Variants in FILIP1 observed in about 807,000 individuals in gnomAD.
The protein encoded by FILIP1 is filamin-A-interacting protein 1.
Under a neutral mutation model 102.1 loss-of-function variants are expected in FILIP1, and 61 were observed. The ratio of observed to expected loss-of-function variants is 0.60; its 90% CI spans 0.49 to 0.74. FILIP1 has a LOEUF of 0.74. Ranked by LOEUF, FILIP1 falls within the 30% of genes least tolerant of loss-of-function variation. The pLI is 0.00. For missense variants in FILIP1, 1,314 were observed against 1,441.2 expected, an observed-to-expected ratio of 0.91 and a Z score of 1.43; for synonymous variants, 491 against 526.9, an observed-to-expected ratio of 0.93 and a Z score of 0.93.
intron 1 of FILIP1, among the ~76,000 whole-genome samples, chr6:75,421,017 C>T (rs1414909809): frequency 2.6e-5 from 4 of 152,086 alleles, no homozygotes; most frequent in South Asian, 2.1e-4. Flanking sequence ...TATTTAGATA[C>T]ACTTGTTGTT....
chr6:75,492,544 T>G (rs1309827157), intron 1 of FILIP1, among the ~76,000 whole-genome samples: 1 of 152,158 alleles, frequency 6.6e-6, no homozygotes, highest in Non-Finnish European at 1.5e-5. Context: ...AGTTGTCATA[T>G]TCAACATGAA....
intron 3 of FILIP1, among the ~76,000 whole-genome samples, chr6:75,357,051 C>A (rs995921967): frequency 6.6e-6 from 1 of 152,152 alleles, no homozygotes; most frequent in Non-Finnish European, 1.5e-5. Context: ...CCTGTTTCTT[C>A]AGGCCCTACC....
At chr6:75,401,352 G>T (rs1776650777) in intron 2 of FILIP1, among the ~76,000 whole-genome samples, 1 of 151,842 alleles carries the variant, frequency 6.6e-6, no homozygotes, top group Non-Finnish European at 1.5e-5. Context: ...TTCTTCTTTG[G>T]CCAGGTCTTT....
chr6:75,357,397 T>C (rs1775039357), intron 3 of FILIP1: 1 of 152,262 alleles, frequency 6.6e-6, no homozygotes, highest in Non-Finnish European at 1.5e-5. Flanking sequence ...CCTTTTTACA[T>C]CTATTCTTGT....
At chr6:75,311,905 A>G (rs373851837) in intron 5 of FILIP1, among the ~76,000 whole-genome samples, 1 of 151,522 alleles carries the variant, frequency 6.6e-6, no homozygotes, top group African/African-American at 2.4e-5. Flanking sequence ...CACTTTTAAA[A>G]AAGTTTTTGA....
In FILIP1 at chr6:75,427,253, G is replaced by C. The variant is rs560474930; in HGVS notation, c.-6-12275C>G. 5.1e-4 allele frequency among the ~76,000 whole-genome samples: 78 copies of C among 152,164 alleles called. No individual in the cohort carries two copies. The South Asian group carries it at 0.015, about 30-fold the overall frequency. On this transcript the variant is annotated intron_variant, in intron 1 of 5. Transcript: ENST00000237172. ...CAAGGATTACAAGGAAGGAGTATAG[G>C]ACAGGTAAGTAAAGAGCAAAGTTGA...
chr6:75,338,017 G>A (rs1310519883), intron 4 of FILIP1, among the ~76,000 whole-genome samples: 1 of 152,100 alleles, frequency 6.6e-6, no homozygotes, highest in East Asian at 1.9e-4. Context: ...CGCTGGATGT[G>A]GTGCAGTCAT....
intron 1 of FILIP1, among the ~76,000 whole-genome samples, chr6:75,454,139 G>A (rs2149739354): frequency 6.6e-6 from 1 of 152,268 alleles, no homozygotes; most frequent in East Asian, 1.9e-4. Context: ...TGGAGGCTCT[G>A]CGAAGAACCT....
chr6:75,308,096 A>G lies in FILIP1; in HGVS notation c.*595T>C. ...TAAAACTCTGTTCTTAGGATTCCAT[A>G]TTTCATTTCCATTTTATTACATGTT... is the stretch of plus-strand genomic sequence containing the variant. On this transcript the variant is annotated 3_prime_UTR_variant, in exon 6 of 6. Coordinates refer to ENST00000237172, the MANE Select transcript of FILIP1 (RefSeq NM_015687.5). 1.0e-6 allele frequency: 1 copy of G among 983,436 alleles called. No homozygotes were observed. Among genetic ancestry groups the G allele is most frequent in the Non-Finnish European group, 1.2e-6 (1 of 827,724 alleles). The allele number at this position is 983,436 out of a possible 1,614,324, so 60.9% of individuals were successfully genotyped here.
chr6:75,392,834 C>T (rs974919646), intron 2 of FILIP1, among the ~76,000 whole-genome samples: 22 of 152,272 alleles, frequency 1.4e-4, no homozygotes, highest in African/African-American at 4.8e-4. Context: ...TTTAAAAACA[C>T]GAGATTCTCT....
At chr6:75,370,616 G>A (rs60034820) in intron 2 of FILIP1, among the ~76,000 whole-genome samples, 1,404 of 119,636 alleles carry the variant, frequency 0.012, 25 homozygotes, top group African/African-American at 0.044. Flanking sequence ...TGCTCTTGTC[G>A]CCCAGGCTGG....
At chr6:75,470,015 A>C (rs1365592908) in intron 1 of FILIP1, among the ~76,000 whole-genome samples, 2 of 152,134 alleles carry the variant, frequency 1.3e-5, no homozygotes, top group African/African-American at 2.4e-5. Flanking sequence ...AAAACAGAAC[A>C]AGAATGCCCA....
intron 4 of FILIP1, among the ~76,000 whole-genome samples, chr6:75,351,726 T>A (rs1409636954): frequency 6.6e-6 from 1 of 152,206 alleles, no homozygotes; most frequent in African/African-American, 2.4e-5. Flanking sequence ...GCGTACTCTG[T>A]GATGTTTACA....
At chr6:75,399,824 T>C (rs920768296) in intron 2 of FILIP1, among the ~76,000 whole-genome samples, 6 of 152,230 alleles carry the variant, frequency 3.9e-5, no homozygotes, top group Admixed American at 3.9e-4. Context: ...TTTCATATGT[T>C]ATTTGTTTTT....
chr6:75,427,550 A>C (rs1408820538), intron 1 of FILIP1, among the ~76,000 whole-genome samples: 1 of 152,156 alleles, frequency 6.6e-6, no homozygotes, highest in Non-Finnish European at 1.5e-5. Context: ...AGCTCCTCTC[A>C]GAGGAGGCTG....
chr6:75,313,612 C>T lies in FILIP1; in HGVS notation c.2220G>A (p.Gln740=), dbSNP rs1773297750. The change falls in exon 5 of 6, where the codon CAG becomes CAA. Residue 740 remains glutamine (Q), a synonymous_variant. Coordinates refer to ENST00000237172, the MANE Select transcript of FILIP1 (RefSeq NM_015687.5). The surrounding 1 kb of genome is among the most constrained non-coding windows in gnomAD (Gnocchi z 4.2). ...KIHELMNKED[Q]LSQLQVDYSV... The stretch of plus-strand genomic sequence containing the variant: ...AATAATCTACCTGGAGCTGAGAAAG[C>T]TGATCTTCTTTGTTCATTAATTCGT... 6.2e-7 allele frequency: 1 copy of T among 1,607,572 alleles called. No homozygotes were observed.
At chr6:75,308,031 G>C, downstream of FILIP1, 1 of 985,454 alleles carries the variant, frequency 1.0e-6, no homozygotes, top group Non-Finnish European at 1.2e-6. Context: ...TTATGGAGGA[G>C]CTAAAACTTC....
intron 3 of FILIP1, among the ~76,000 whole-genome samples, chr6:75,360,308 G>C (rs1582394385): frequency 6.6e-6 from 1 of 152,266 alleles, no homozygotes; most frequent in East Asian, 1.9e-4. Flanking sequence ...AGACTCTCTT[G>C]TATTTTTTAA....
intron 1 of FILIP1, chr6:75,473,673 A>G (rs1562650365): frequency 6.6e-6 from 1 of 152,230 alleles, no homozygotes; most frequent in Non-Finnish European, 1.5e-5. Flanking sequence ...TAAAAACATA[A>G]AGACACAGTT....
Sources: gnomAD v4.1 joint callset for allele counts (sites outside exome capture counted in the v4.1 genomes callset) on GRCh38, gnomAD v4.1.1 for gene constraint, Gnocchi (gnomAD v3.1) non-coding constraint, MANE v1.5 for transcripts, NCBI Gene and HGNC (gene_info 2026-07-23, HGNC 2026-07-21) for gene names.